ERBB4: variants seen among roughly 807,000 people sequenced by gnomAD.
ERBB4 encodes the protein receptor tyrosine-protein kinase erbB-4.
ERBB4 carries 42 observed loss-of-function variants against 158.0 expected under a neutral mutation model. The ratio of observed to expected loss-of-function variants is 0.27; its 90% confidence interval spans 0.21 to 0.34. The LOEUF (loss-of-function observed/expected upper bound fraction) is 0.34, where lower values mean the gene tolerates loss of function less well. Among genes scored for constraint, ERBB4 ranks in the 10% least tolerant of loss-of-function variants. The pLI is 1.00. For missense variants in ERBB4, 1,333 were observed against 1,624.1 expected (o/e 0.82, Z 3.08); for synonymous variants, 583 against 558.7 (o/e 1.04, Z -0.61).
intron 3 of ERBB4, among the ~76,000 whole-genome samples, chr2:211,857,262 T>G (rs200244807): frequency 2.0e-5 from 3 of 152,022 alleles, no homozygotes; most frequent in Non-Finnish European, 2.9e-5. Context: ...CTTTGCAAAA[T>G]AGTTGGCAGT....
intron 3 of ERBB4, among the ~76,000 whole-genome samples, chr2:211,935,402 C>A (rs1407669579): frequency 1.3e-5 from 2 of 152,042 alleles, no homozygotes; most frequent in African/African-American, 2.4e-5. Flanking sequence ...TTCTGGGGAC[C>A]AAGAGGAACA....
At chr2:211,547,772 A>G (rs1340962169) in intron 20 of ERBB4, among the ~76,000 whole-genome samples, 1 of 152,070 alleles carries the variant, frequency 6.6e-6, no homozygotes, top group Non-Finnish European at 1.5e-5. Context: ...AAAAAAAAAA[A>G]GTACCGTAAA....
chr2:211,945,028 A>T (rs919121915), intron 3 of ERBB4, among the ~76,000 whole-genome samples: 1 of 152,010 alleles, frequency 6.6e-6, no homozygotes, highest in Non-Finnish European at 1.5e-5. Context: ...TGTTTTAAAA[A>T]CTCTTGCTTT....
intron 3 of ERBB4, among the ~76,000 whole-genome samples, chr2:211,928,786 T>C (rs777757322): frequency 1.3e-5 from 2 of 151,888 alleles, no homozygotes; most frequent in Admixed American, 1.3e-4. Flanking sequence ...GAAGTGTTCT[T>C]GTCAGGTTTA....
chr2:212,179,500 G>C (rs1163895199), intron 1 of ERBB4, among the ~76,000 whole-genome samples: 1 of 151,528 alleles, frequency 6.6e-6, no homozygotes, highest in African/African-American at 2.4e-5. Flanking sequence ...AATTCTAGGA[G>C]AGAGGAATAA....
intron 20 of ERBB4, among the ~76,000 whole-genome samples, chr2:211,506,072 AGT>A (rs2065741388): frequency 6.6e-6 from 1 of 152,170 alleles, no homozygotes; most frequent in Non-Finnish European, 1.5e-5. Flanking sequence ...ACAGACTTAA[AGT>A]AAAGGGGTAG....
chr2:212,223,847 A>G (rs2083384079), intron 1 of ERBB4, among the ~76,000 whole-genome samples: 1 of 151,780 alleles, frequency 6.6e-6, no homozygotes, highest in Admixed American at 6.6e-5. Flanking sequence ...TCATTGAACC[A>G]TCAGTGTTTG....
chr2:212,421,147 G>T (rs1001052690), intron 1 of ERBB4, among the ~76,000 whole-genome samples: 2 of 152,054 alleles, frequency 1.3e-5, no homozygotes, highest in Non-Finnish European at 2.9e-5. Flanking sequence ...ATATTTCAAA[G>T]AATTTCAGTG....
At chr2:212,481,204 G>A (rs572881120) in intron 1 of ERBB4, among the ~76,000 whole-genome samples, 1 of 151,830 alleles carries the variant, frequency 6.6e-6, no homozygotes, top group East Asian at 1.9e-4. Flanking sequence ...ATATATGTAA[G>A]TTATATATAC....
intron 2 of ERBB4, among the ~76,000 whole-genome samples, chr2:212,005,776 AT>A: frequency 6.6e-6 from 1 of 152,182 alleles, no homozygotes; most frequent in South Asian, 2.1e-4. Context: ...CCATATTTCT[AT>A]TTTTCAATAT....
intron 3 of ERBB4, among the ~76,000 whole-genome samples, chr2:211,911,722 C>G (rs1575362428): frequency 1.3e-5 from 2 of 151,112 alleles, no homozygotes; most frequent in South Asian, 2.1e-4. Flanking sequence ...CTCACAGAAA[C>G]AGCGATTGGT....
chr2:212,451,865 A>G (rs986655980), intron 1 of ERBB4, among the ~76,000 whole-genome samples: 2 of 152,140 alleles, frequency 1.3e-5, no homozygotes, highest in African/African-American at 4.8e-5. Context: ...ATTCATATCT[A>G]CAAAGCCAGT....
intron 2 of ERBB4, among the ~76,000 whole-genome samples, chr2:212,078,624 G>T (rs2078341884): frequency 6.6e-6 from 1 of 151,602 alleles, no homozygotes; most frequent in Admixed American, 6.6e-5. Context: ...TATTTAAATG[G>T]TACTATGGGC....
chr2:211,580,824 T>TAA (rs1491111562), intron 19 of ERBB4, among the ~76,000 whole-genome samples: 2 of 13,482 alleles, frequency 1.5e-4, no homozygotes, highest in African/African-American at 2.0e-4. Context: ...TATATATATA[T>TAA]TATATATATA....
chr2:211,486,951 C>G (rs2065220197), intron 20 of ERBB4, among the ~76,000 whole-genome samples: 2 of 151,300 alleles, frequency 1.3e-5, no homozygotes, highest in Non-Finnish European at 2.9e-5. Flanking sequence ...ATAATATATT[C>G]TTAAAATAAT....
intron 3 of ERBB4, among the ~76,000 whole-genome samples, chr2:211,840,730 C>A (rs56153935): frequency 0.22 from 32,933 of 151,766 alleles, 3,658 homozygotes; most frequent in South Asian, 0.33. Flanking sequence ...GACAGAAATT[C>A]AAAAATATAT....
At chr2:212,512,581 G>C (rs1354077861) in intron 1 of ERBB4, among the ~76,000 whole-genome samples, 1 of 152,076 alleles carries the variant, frequency 6.6e-6, no homozygotes, top group Non-Finnish European at 1.5e-5. Context: ...TTTCTGAGAA[G>C]TATGGCCTAA....
intron 1 of ERBB4, among the ~76,000 whole-genome samples, chr2:212,177,955 TGTGA>T (rs201654343): frequency 2.3e-3 from 220 of 97,030 alleles, no homozygotes; most frequent in Middle Eastern, 0.012. Flanking sequence ...TGTTTGTGAG[TGTGA>T]GTGTGTGTGT....
chr2:212,333,927 CAGAT>C (rs1285531652), intron 1 of ERBB4, among the ~76,000 whole-genome samples: 5 of 152,022 alleles, frequency 3.3e-5, no homozygotes, highest in African/African-American at 1.2e-4. Context: ...CACATGGACT[CAGAT>C]AGTGTCACTG....
Sources: allele counts gnomAD v4.1 joint callset (sites outside exome capture counted in the v4.1 genomes callset), GRCh38; gene constraint gnomAD v4.1.1; transcripts MANE v1.5; gene names NCBI Gene and HGNC (gene_info 2026-07-23, HGNC 2026-07-21).